RNF10: variants seen among roughly 807,000 people sequenced by gnomAD.
RNF10 encodes the protein ring finger protein 10, also known as E3 ubiquitin-protein ligase RNF10.
RNF10 carries 38 observed loss-of-function variants against 91.4 expected under a neutral mutation model. The ratio of observed to expected loss-of-function variants is 0.42; its 90% confidence interval spans 0.32 to 0.54. The LOEUF is 0.54. Ranked by LOEUF, RNF10 falls within the 20% of genes least tolerant of loss-of-function variation. The probability of loss-of-function intolerance (pLI) is 0.16; values close to 1 mark genes in which losing one functional copy is unlikely to be tolerated. For synonymous variants in RNF10, 364 were observed against 366.3 expected, an observed-to-expected ratio of 0.99 and a Z score of 0.07; for missense variants, 945 against 1,012.0, an observed-to-expected ratio of 0.93 and a Z score of 0.90.
chr12:120,575,311 A>AAAAACTTAAC (rs1177483310), intron 14 of RNF10: 1 of 301,938 alleles, frequency 3.3e-6, no homozygotes, highest in Admixed American at 4.7e-5. Flanking sequence ...GGAAGGGCAG[A>AAAAACTTAAC]AAAACTTAAC....
rs1265761670 is a variant in RNF10, at chr12:120,563,467, G to A, written c.1375G>A (p.Glu459Lys). ...AGAGGAGGAAGCAGTGTCTGAACCA[G>A]AGCCTGAGGGGTTGCCAGAGGCCTG... Reference protein sequence around the residue: ...VEEEEAVSEPEPEGLPEACDD... With the variant: ...VEEEEAVSEPKPEGLPEACDD... Residue 459 changes from glutamate to lysine, a missense_variant, in exon 9 of 17, where the codon GAG becomes AAG. By Grantham distance (56) the Glu-to-Lys change is moderately conservative. Transcript: ENST00000325954. The A allele has an allele frequency of 1.2e-6, 2 of 1,614,076 alleles. No individual in the cohort carries two copies. The highest frequency in any genetic ancestry group is 2.7e-5 in the African/African-American group (2 of 74,928).
rs536191769 is a variant in RNF10 at position 120,577,183 on chromosome 12, A to G, written c.*517A>G. On this transcript the variant is annotated 3_prime_UTR_variant, in exon 17 of 17. Coordinates refer to ENST00000325954, the MANE Select transcript of RNF10 (RefSeq NM_014868.5). The stretch of plus-strand genomic sequence containing the variant: ...ATTTAGGACACCCAGTTTGAATTGC[A>G]GTTTTTTTTTTTCTGACACATGGCC... 2.2e-6 allele frequency: 1 copy of G among 444,566 alleles called. No individual in the cohort carries two copies. Among genetic ancestry groups the G allele is most frequent in the South Asian group, 1.6e-5 (1 of 60,860 alleles). 27.5% of individuals were successfully genotyped at this position (444,566 alleles called of 1,614,324 possible).
At chr12:120,544,793 A>G (rs558050003) in intron 1 of RNF10, among the ~76,000 whole-genome samples, 2 of 152,332 alleles carry the variant, frequency 1.3e-5, no homozygotes, top group East Asian at 3.9e-4. Flanking sequence ...CTTTTTGAGA[A>G]TTTGACATAA....
chr12:120,563,927 G>C lies in RNF10; in HGVS notation c.1649G>C (p.Gly550Ala), dbSNP rs1875297185. ...TCAGCAACTGTGGTGGAGATTGCTG[G>C]CTACTCCATGTCTGAGGTGAGGCCT... The part of the protein sequence containing the change: ...KISATVVEIA[G>A]YSMSEDVRQR... Residue 550 changes from glycine (G) to alanine (A), a missense_variant, in exon 10 of 17, where the codon GGC becomes GCC. Transcript: ENST00000325954. The C allele has an allele frequency of 6.2e-7, 1 of 1,614,160 alleles. No individual in the cohort carries two copies. The highest frequency in any genetic ancestry group is 8.5e-7 in the Non-Finnish European group (1 of 1,180,028).
intron 3 of RNF10, among the ~76,000 whole-genome samples, chr12:120,553,130 C>G (rs1254731434): frequency 7.8e-6 from 1 of 128,174 alleles, no homozygotes. Context: ...GCCACCCAGG[C>G]TAGAGTGCGG....
chr12:120,560,096 T>G lies in RNF10; in HGVS notation c.968-630T>G, dbSNP rs114065753. Among the ~76,000 whole-genome samples the G allele has an allele frequency of 9.6e-3, 1,456 of 151,948 alleles. 23 individuals are homozygous for G. The highest frequency in any genetic ancestry group is 0.034 in the African/African-American group (1,392 of 41,424). On this transcript the variant is annotated intron_variant, in intron 6 of 16. Coordinates refer to ENST00000325954, the MANE Select transcript of RNF10 (RefSeq NM_014868.5). Reference sequence around the variant, plus strand: ...CGCTGGTCCACCATTTCTTTATTCTTTATTGTTGGTTTTACTGGTTGGTTT... The same window carrying G: ...CGCTGGTCCACCATTTCTTTATTCTGTATTGTTGGTTTTACTGGTTGGTTT...
chr12:120,575,987 C>T (rs895612541), intron 16 of RNF10, 37 bp downstream of exon 16: 4 of 1,605,536 alleles, frequency 2.5e-6, no homozygotes, highest in African/African-American at 1.3e-5. Flanking sequence ...GGTTGTCAAA[C>T]ATACTACACA....
chr12:120,570,416 C>G (rs564432848), intron 13 of RNF10, among the ~76,000 whole-genome samples: 1 of 150,860 alleles, frequency 6.6e-6, no homozygotes, highest in South Asian at 2.1e-4. Context: ...GAACTCCTGA[C>G]CTCAGGTGAT....
chr12:120,566,819 T>C lies in RNF10; in HGVS notation c.1886-6T>C. On this transcript the variant is annotated splice_polypyrimidine_tract_variant and splice_region_variant and intron_variant, in intron 12 of 16. Coordinates refer to ENST00000325954, the MANE Select transcript of RNF10 (RefSeq NM_014868.5). ...TGGGTTTACAAGGGTTATCTTTCCT[T>C]TGCAGACCCAGAAGTCCACATTCCC... 6.2e-7 allele frequency: 1 copy of C among 1,610,954 alleles called. No homozygotes were observed. Among genetic ancestry groups the C allele is most frequent in the Non-Finnish European group, 8.5e-7 (1 of 1,179,070 alleles).
chr12:120,571,371 G>A (rs760319909), intron 14 of RNF10, 80 bp downstream of exon 14: 3 of 1,024,996 alleles, frequency 2.9e-6, no homozygotes, highest in Non-Finnish European at 4.6e-6. Context: ...CCTCCTCCAG[G>A]GATTGTTACC....
intron 6 of RNF10, among the ~76,000 whole-genome samples, chr12:120,559,754 G>A (rs1451502281): frequency 6.6e-6 from 1 of 151,888 alleles, no homozygotes; most frequent in Non-Finnish European, 1.5e-5. Context: ...GGAGTGCAAT[G>A]GTGCGATCTT....
At chr12:120,557,020 T>C (rs544773248) in intron 4 of RNF10, among the ~76,000 whole-genome samples, 1 of 147,664 alleles carries the variant, frequency 6.8e-6, no homozygotes, top group African/African-American at 2.5e-5. Context: ...GGCAGGCGCC[T>C]GTAGTCCCAG....
At chr12:120,571,334 G>A (rs764485279) in intron 14 of RNF10, 43 bp downstream of exon 14, 3 of 1,336,586 alleles carry the variant, frequency 2.2e-6, no homozygotes, top group Non-Finnish European at 3.2e-6. Context: ...TATTTAACAT[G>A]AACTCTGCTG....
At position 120,557,386 on chromosome 12, in the gene RNF10, G is replaced by C; in HGVS notation, c.750G>C (p.Leu250=). Residue 250 remains leucine, a synonymous_variant, in exon 5 of 17, where the codon CTG becomes CTC. Coordinates refer to ENST00000325954, the MANE Select transcript of RNF10 (RefSeq NM_014868.5). ...ACATCTTCTGCTGGGCATGCATCCT[G>C]CACTATCTTTCACTGAGTGAGAAGA... is the stretch of plus-strand genomic sequence containing the variant. ...CGHIFCWACI[L]HYLSLSEKTW... The C allele has an allele frequency of 6.2e-7, 1 of 1,614,156 alleles. No individual in the cohort carries two copies. Among genetic ancestry groups the C allele is most frequent in the Non-Finnish European group, 8.5e-7 (1 of 1,180,038 alleles).
chr12:120,563,963 A>G lies in RNF10; in HGVS notation c.1665+20A>G, dbSNP rs755021451. Reference sequence around the variant, plus strand: ...TCTGAGGTGAGGCCTTCCTGTAGAAATGGAGGGTCAGGCAGCAGTATTAAC... The same window carrying G: ...TCTGAGGTGAGGCCTTCCTGTAGAAGTGGAGGGTCAGGCAGCAGTATTAAC... On this transcript the variant is annotated intron_variant, in intron 10 of 16. Transcript: ENST00000325954. The G allele has an allele frequency of 1.2e-6, 2 of 1,613,996 alleles. No individual in the cohort carries two copies. Among genetic ancestry groups the G allele is most frequent in the Non-Finnish European group, 1.7e-6 (2 of 1,179,948 alleles).
intron 1 of RNF10, among the ~76,000 whole-genome samples, chr12:120,538,685 G>A (rs899131670): frequency 6.6e-6 from 1 of 152,194 alleles, no homozygotes; most frequent in African/African-American, 2.4e-5. Context: ...GGCCGTTTAT[G>A]GGCAGGCAGT....
intron 13 of RNF10, among the ~76,000 whole-genome samples, chr12:120,567,688 G>A (rs1356055161): frequency 3.6e-5 from 5 of 137,800 alleles, no homozygotes; most frequent in African/African-American, 8.2e-5. Context: ...GCGACAGAGC[G>A]AGACTTTGTC....
rs1449322822 is a variant in RNF10 at position 120,565,395 on chromosome 12, GGT to G, written c.1784-32_1784-31del. Reference sequence around the variant, plus strand: ...AGGAGGTAATGACCATGTTGTCCTGGGTCTACCTCTTTACAACCTGACCAATC... The same window carrying G: ...AGGAGGTAATGACCATGTTGTCCTGGCTACCTCTTTACAACCTGACCAATC... On this transcript the variant is annotated intron_variant, in intron 11 of 16. Transcript: ENST00000325954. 7.5e-6 allele frequency: 12 copies of G among 1,594,478 alleles called. No individual in the cohort carries two copies. In the African/African-American group the frequency reaches 8.1e-5, roughly 11 times the overall value.
intron 1 of RNF10, among the ~76,000 whole-genome samples, chr12:120,536,234 C>T (rs929526627): frequency 2.7e-5 from 4 of 150,862 alleles, no homozygotes; most frequent in African/African-American, 9.8e-5. Context: ...CCAGCTTGGG[C>T]AAGATAGTAA....
Sources: gnomAD v4.1 joint callset for allele counts (sites outside exome capture counted in the v4.1 genomes callset) on GRCh38, gnomAD v4.1.1 for gene constraint, MANE v1.5 for transcripts, NCBI Gene and HGNC (gene_info 2026-07-23, HGNC 2026-07-21) for gene names.